CADPS: variants seen among roughly 807,000 people sequenced by gnomAD.
CADPS encodes the protein calcium dependent secretion activator.
Under a neutral mutation model 167.3 loss-of-function variants are expected in CADPS, and 57 were observed. That is an observed-to-expected ratio of 0.34 (90% CI 0.28 to 0.42). The LOEUF (loss-of-function observed/expected upper bound fraction) is 0.42, where lower values mean the gene tolerates loss of function less well. Among genes scored for constraint, CADPS ranks in the 20% least tolerant of loss-of-function variants. The probability of loss-of-function intolerance (pLI) is 1.00; values close to 1 mark genes in which losing one functional copy is unlikely to be tolerated. For synonymous variants in CADPS, 676 were observed against 635.3 expected (o/e 1.06, Z -0.96); for missense variants, 1,414 against 1,738.1 (o/e 0.81, Z 3.32).
intron 9 of CADPS, 37 bp from the exon 10 acceptor site, chr3:62,557,550 G>A (rs1335823692): frequency 6.6e-7 from 1 of 1,515,248 alleles, no homozygotes; most frequent in East Asian, 2.3e-5. Context: ...TTGACCCCTG[G>A]AGCCTGTCTT....
chr3:62,637,759 C>A (rs2066590622), intron 6 of CADPS, among the ~76,000 whole-genome samples: 1 of 152,140 alleles, frequency 6.6e-6, no homozygotes, highest in Non-Finnish European at 1.5e-5. Context: ...TTGGGTTTGG[C>A]TTTTGGCTTA....
chr3:62,632,895 G>A (rs374057060), intron 6 of CADPS, among the ~76,000 whole-genome samples: 19 of 152,186 alleles, frequency 1.2e-4, no homozygotes, highest in East Asian at 9.7e-4. Flanking sequence ...TAATCCTTAT[G>A]GGAATAAAAC....
intron 21 of CADPS, among the ~76,000 whole-genome samples, chr3:62,490,437 G>A (rs559205399): frequency 1.3e-5 from 2 of 152,230 alleles, no homozygotes; most frequent in African/African-American, 4.8e-5. Context: ...TCAGAAAGGG[G>A]AGTCTGAGAC....
intron 3 of CADPS, among the ~76,000 whole-genome samples, chr3:62,704,982 C>A (rs1166245311): frequency 6.6e-6 from 1 of 152,060 alleles, no homozygotes; most frequent in African/African-American, 2.4e-5. Flanking sequence ...ACAGGAACAC[C>A]CCTCATCAGT....
intron 3 of CADPS, among the ~76,000 whole-genome samples, chr3:62,688,005 G>T (rs1563857647): frequency 6.6e-6 from 1 of 151,976 alleles, no homozygotes; most frequent in Non-Finnish European, 1.5e-5. Flanking sequence ...AGTATTTATT[G>T]AGCATGTGCT....
At chr3:62,427,462 C>T (rs1320971469) in intron 28 of CADPS, among the ~76,000 whole-genome samples, 1 of 152,098 alleles carries the variant, frequency 6.6e-6, no homozygotes, top group Non-Finnish European at 1.5e-5. Context: ...GTTTTTCAAT[C>T]TCTCTACACT....
intron 27 of CADPS, among the ~76,000 whole-genome samples, chr3:62,443,524 A>G (rs1488731881): frequency 2.0e-5 from 3 of 152,056 alleles, no homozygotes; most frequent in African/African-American, 4.8e-5. Context: ...ACAATCCCCA[A>G]GTATCATGGG....
chr3:62,754,789 G>GTTA (rs1276421134), intron 2 of CADPS, among the ~76,000 whole-genome samples: 2 of 152,118 alleles, frequency 1.3e-5, no homozygotes, highest in African/African-American at 4.8e-5. Context: ...ACTTGTTGCT[G>GTTA]TTATTATTAT....
rs547982921 is a variant in CADPS, at chr3:62,833,089, G to T, written c.441+41500C>A. Reference sequence around the variant, plus strand: ...GGCCCCAGTTCTCTTTTAATGACTGGCTTTAGAGAAAGTCCAGTCCACTTT... The same window carrying T: ...GGCCCCAGTTCTCTTTTAATGACTGTCTTTAGAGAAAGTCCAGTCCACTTT... On this transcript the variant is annotated intron_variant, in intron 1 of 29. Transcript: ENST00000383710. 3.8e-4 allele frequency among the ~76,000 whole-genome samples: 58 copies of T among 152,214 alleles called. 2 individuals are homozygous for T. In the South Asian group the frequency reaches 0.012, roughly 30 times the overall value.
In CADPS at chr3:62,850,677, G is replaced by T. The variant is rs142321687; in HGVS notation, c.441+23912C>A. Among the ~76,000 whole-genome samples the T allele has an allele frequency of 3.9e-3, 588 of 151,930 alleles. 4 individuals are homozygous for T. The highest frequency in any genetic ancestry group is 0.014 in the African/African-American group (562 of 41,440). On this transcript the variant is annotated intron_variant, in intron 1 of 29. Transcript: ENST00000383710. ...TTTCTGTTCTTTTACATTTGCTGAG[G>T]AGAGTTTAACTTCCAACTATGTGGT...
chr3:62,741,543 T>G (rs1225965660), intron 3 of CADPS, among the ~76,000 whole-genome samples: 2 of 152,204 alleles, frequency 1.3e-5, no homozygotes, highest in Non-Finnish European at 2.9e-5. Flanking sequence ...TCTCAATAGA[T>G]GCAGAAAAGG....
At chr3:62,719,813 C>T (rs11720870) in intron 3 of CADPS, among the ~76,000 whole-genome samples, 12,069 of 152,226 alleles carry the variant, frequency 0.079, 628 homozygotes, top group Non-Finnish European at 0.12. Flanking sequence ...TCTGGGAGCA[C>T]GGTAGGATTT....
chr3:62,645,939 C>G, intron 5 of CADPS, 96 bp from the exon 6 acceptor site: 1 of 1,380,718 alleles, frequency 7.2e-7, no homozygotes, highest in Non-Finnish European at 1.0e-6. Context: ...CAGAGAAAAC[C>G]AACAGGTATC....
intron 15 of CADPS, 76 bp from the exon 16 acceptor site, chr3:62,516,258 G>A (rs1472646516): frequency 1.1e-5 from 17 of 1,551,526 alleles, no homozygotes; most frequent in East Asian, 9.0e-5. Flanking sequence ...TTAGAAGCGT[G>A]AAAGTTTAAA....
chr3:62,500,583 T>C (rs1159453380), intron 17 of CADPS: 1 of 152,150 alleles, frequency 6.6e-6, no homozygotes, highest in Non-Finnish European at 1.5e-5. Context: ...ACATGGGATA[T>C]AGTGAAATAA....
chr3:62,748,262 C>A (rs1333262141), intron 3 of CADPS, among the ~76,000 whole-genome samples: 4 of 135,872 alleles, frequency 2.9e-5, no homozygotes, highest in African/African-American at 1.1e-4. Context: ...AGGAGAATGG[C>A]GTGAACCCGG....
At chr3:62,743,580 C>G (rs1337815125) in intron 3 of CADPS, among the ~76,000 whole-genome samples, 3 of 152,170 alleles carry the variant, frequency 2.0e-5, no homozygotes, top group Admixed American at 6.6e-5. Flanking sequence ...TTCAGGTCAT[C>G]CAATTGGCCA....
At chr3:62,572,540 T>C (rs748226120) in intron 8 of CADPS, among the ~76,000 whole-genome samples, 6 of 152,150 alleles carry the variant, frequency 3.9e-5, no homozygotes, top group Admixed American at 3.9e-4. Flanking sequence ...ACCCCCACCA[T>C]TTATATGAAA....
At chr3:62,734,720 T>C (rs896887068) in intron 3 of CADPS, among the ~76,000 whole-genome samples, 1 of 152,208 alleles carries the variant, frequency 6.6e-6, no homozygotes, top group Non-Finnish European at 1.5e-5. Flanking sequence ...CTGATAGATA[T>C]TTAGTTTTAT....
Sources: gnomAD v4.1 joint callset for allele counts (sites outside exome capture counted in the v4.1 genomes callset) on GRCh38, gnomAD v4.1.1 for gene constraint, MANE v1.5 for transcripts, NCBI Gene and HGNC (gene_info 2026-07-23, HGNC 2026-07-21) for gene names.